The following LRRC9 variants were observed in gnomAD, a reference collection of about 807,000 sequenced individuals.
LRRC9 encodes the protein leucine-rich repeat-containing protein 9.
Under a neutral mutation model 63.2 loss-of-function variants are expected in LRRC9, and 122 were observed. The observed-to-expected ratio is 1.93, with a 90% CI of 1.67 to 2.24. The LOEUF (loss-of-function observed/expected upper bound fraction) is 2.24. LRRC9 is among the 30% of genes most tolerant of loss of function. The pLI is 0.00. For missense variants in LRRC9, 1,071 were observed against 627.7 expected (o/e 1.71, Z -7.55); for synonymous variants, 366 against 213.1 (o/e 1.72, Z -6.25).
rs1170094278 is a variant in LRRC9 at position 59,938,191 on chromosome 14, GT to G, written c.544-197del. ...TTTAAAAGGCATAGTGGTGTAGCAT[GT>G]TGTTTAATTATTGTTGATATTTTCT... On this transcript the variant is annotated intron_variant, in intron 6 of 31. Transcript: ENST00000445360. This position sits in a 1 kb window ranked among gnomAD's most constrained non-coding sequence, Gnocchi z 4.2. 6.6e-6 allele frequency among the ~76,000 whole-genome samples: 1 copy of G among 152,110 alleles called. No homozygotes were observed. Among genetic ancestry groups the G allele is most frequent in the Non-Finnish European group, 1.5e-5 (1 of 68,008 alleles).
chr14:60,022,728 T>C lies in LRRC9; in HGVS notation c.3567-6T>C, dbSNP rs754238434. ...TTATGGCCTCAAACTTACCTATGTG[T>C]TTCAGAGATATAATGAGCAGTGAAA... On this transcript the variant is annotated splice_polypyrimidine_tract_variant and splice_region_variant and intron_variant, in intron 26 of 31. Coordinates refer to ENST00000445360, the Ensembl canonical transcript of LRRC9. 1 of 620,686 alleles carries C rather than the reference T, an allele frequency of 1.6e-6. No individual in the cohort carries two copies. Among genetic ancestry groups the C allele is most frequent in the South Asian group, 2.0e-5 (1 of 51,040 alleles). 38.4% of individuals were successfully genotyped at this position (620,686 alleles called of 1,614,324 possible).
At chr14:60,001,945 G>A (rs201597857) in intron 19 of LRRC9, 21 bp from the exon 20 acceptor site, 1 of 626,538 alleles carries the variant, frequency 1.6e-6, no homozygotes, top group Non-Finnish European at 2.8e-6. Context: ...TTTTTTCACT[G>A]TATTTTTTAA....
rs149224852 is a variant in LRRC9, at chr14:59,962,494, C to G, written c.1211+1449C>G. Among the ~76,000 whole-genome samples the G allele has an allele frequency of 1.5e-4, 23 of 152,002 alleles. No individual in the cohort carries two copies. The highest frequency in any genetic ancestry group is 5.1e-4 in the African/African-American group (21 of 41,428). ...TCTCAGCTCGCTGCAACCTCTGCCT[C>G]CCAGGTTCAAGCGATTCTCCTGCCT... On this transcript the variant is annotated intron_variant, in intron 10 of 31. Coordinates refer to ENST00000445360, the Ensembl canonical transcript of LRRC9. The surrounding 1 kb of genome is among the most constrained non-coding windows in gnomAD (Gnocchi z 5.1).
Position 60,058,926 on chromosome 14 carries a change from T to C in LRRC9, c.4276+904T>C, listed in dbSNP as rs1342880038. On this transcript the variant is annotated intron_variant, in intron 31 of 31. Transcript: ENST00000445360. This position sits in a 1 kb window ranked among gnomAD's most constrained non-coding sequence, Gnocchi z 4.4. ...TTATATGGCATTATGACTTCCAGGT[T>C]TTAATAATAATGAAGATTGTCATGC... is the stretch of plus-strand genomic sequence containing the variant. 1 of 152,214 alleles carries C rather than the reference T, an allele frequency of 6.6e-6. No individual in the cohort carries two copies. Among genetic ancestry groups the C allele is most frequent in the Non-Finnish European group, 1.5e-5 (1 of 68,022 alleles). 9.4% of individuals were successfully genotyped at this position (152,214 alleles called of 1,614,324 possible). A position where few individuals can be genotyped will look rare whatever the true frequency, so the allele number is the denominator to read the frequency against.
Position 59,928,397 on chromosome 14 carries a change from A to AC in LRRC9, c.180dup (p.Ile61HisfsTer19). The AC allele has an allele frequency of 4.3e-6, 3 of 698,258 alleles. No individual in the cohort carries two copies. The South Asian group carries it at 4.5e-5, about 11-fold the overall frequency. 43.3% of individuals were successfully genotyped at this position (698,258 alleles called of 1,614,324 possible). ...ATTATTTCCTAATTTAACGAGTCTT[A>AC]CCATTGTTGCTCAAGATATAAAAGA... On this transcript the variant is annotated frameshift_variant, in exon 3 of 32. Coordinates refer to ENST00000445360, the Ensembl canonical transcript of LRRC9. LOFTEE classifies it high-confidence loss of function.
intron 7 of LRRC9, among the ~76,000 whole-genome samples, chr14:59,943,889 A>T (rs1882057004): frequency 6.6e-6 from 1 of 152,028 alleles, no homozygotes; most frequent in African/African-American, 2.4e-5. Context: ...TTTCAGGTAA[A>T]CAAAACCATG....
At chr14:60,037,277 G>C (rs972402217) in intron 29 of LRRC9, among the ~76,000 whole-genome samples, 1 of 152,076 alleles carries the variant, frequency 6.6e-6, no homozygotes. Context: ...TTGGGTATAT[G>C]TCCAGTAATG....
rs1174298911 is a variant in LRRC9 at position 60,028,132 on chromosome 14, T to A, written c.3921+31T>A. The A allele has an allele frequency of 7.4e-6, 5 of 671,660 alleles. No homozygotes were observed. In the East Asian group the frequency reaches 1.3e-4, roughly 18 times the overall value. 41.6% of individuals were successfully genotyped at this position (671,660 alleles called of 1,614,324 possible). On this transcript the variant is annotated intron_variant, in intron 28 of 31. Transcript: ENST00000445360. ...ATTATTATTTTTTTATTATGGGATTTACAAGCTTTAGTTTCTCTGAGTTCT... is the reference window on the plus strand; with the variant it reads ...ATTATTATTTTTTTATTATGGGATTAACAAGCTTTAGTTTCTCTGAGTTCT...
intron 8 of LRRC9, among the ~76,000 whole-genome samples, chr14:59,945,974 T>C (rs757545531): frequency 4.0e-5 from 6 of 151,836 alleles, no homozygotes; most frequent in African/African-American, 7.2e-5. Flanking sequence ...ATACCACTTA[T>C]GGAAGTGTAA....
intron 17 of LRRC9, among the ~76,000 whole-genome samples, chr14:59,994,245 A>C (rs1888490919): frequency 6.6e-6 from 1 of 152,208 alleles, no homozygotes; most frequent in Non-Finnish European, 1.5e-5. Context: ...ATGCAACCAA[A>C]AGACACAGGA....
chr14:60,039,162 T>A (rs1201477028), intron 29 of LRRC9, among the ~76,000 whole-genome samples: 1 of 152,228 alleles, frequency 6.6e-6, no homozygotes, highest in Non-Finnish European at 1.5e-5. Flanking sequence ...TGGATTCGGT[T>A]TGCCAGTATT....
chr14:60,019,097 A>T (rs993900276), intron 25 of LRRC9, 24 bp from the exon 26 acceptor site: 2 of 649,710 alleles, frequency 3.1e-6, no homozygotes, highest in Non-Finnish European at 5.5e-6. Flanking sequence ...AGGATTTCTG[A>T]TTAATAAGAT....
At chr14:60,029,272 C>G (rs995604494) in intron 28 of LRRC9, among the ~76,000 whole-genome samples, 1 of 152,056 alleles carries the variant, frequency 6.6e-6, no homozygotes, top group Non-Finnish European at 1.5e-5. Context: ...ACACACAGGG[C>G]CCAGGACATG....
chr14:59,939,443 G>A (rs895157205), intron 7 of LRRC9, among the ~76,000 whole-genome samples: 3 of 151,934 alleles, frequency 2.0e-5, no homozygotes, highest in African/African-American at 4.8e-5. Context: ...GATGACTTAT[G>A]TTTTAAAAGG....
rs1755799947 is a variant in LRRC9 at position 60,031,970 on chromosome 14, A to G, written c.3922-25A>G. Reference sequence around the variant, plus strand: ...AAGATGTTGAGTCTAACCAAATAATAACTTACTGATTAACTTTTGAATAGG... The same window carrying G: ...AAGATGTTGAGTCTAACCAAATAATGACTTACTGATTAACTTTTGAATAGG... On this transcript the variant is annotated intron_variant, in intron 28 of 31. Coordinates refer to ENST00000445360, the Ensembl canonical transcript of LRRC9. This position sits in a 1 kb window ranked among gnomAD's most constrained non-coding sequence, Gnocchi z 4.6. 1.4e-6 allele frequency: 1 copy of G among 693,732 alleles called. No individual in the cohort carries two copies. Among genetic ancestry groups the G allele is most frequent in the African/African-American group, 1.8e-5 (1 of 56,738 alleles). The allele number at this position is 693,732 out of a possible 1,614,324, so 43.0% of individuals were successfully genotyped here. A position where few individuals can be genotyped will look rare whatever the true frequency, so the allele number is the denominator to read the frequency against.
At chr14:59,973,859 T>C (rs1276222395) in intron 12 of LRRC9, among the ~76,000 whole-genome samples, 1 of 152,078 alleles carries the variant, frequency 6.6e-6, no homozygotes, top group Non-Finnish European at 1.5e-5. Context: ...AATTTGGCTA[T>C]TAATGTTAAA....
intron 23 of LRRC9, among the ~76,000 whole-genome samples, chr14:60,012,204 A>G (rs1034582538): frequency 1.9e-4 from 29 of 152,150 alleles, no homozygotes; most frequent in African/African-American, 6.3e-4. Context: ...CAAATCCTTT[A>G]TTTTATGTAT....
chr14:60,052,499 G>A (rs769825660), intron 29 of LRRC9, among the ~76,000 whole-genome samples: 18 of 152,148 alleles, frequency 1.2e-4, no homozygotes, highest in Non-Finnish European at 2.1e-4. Context: ...CATATTGTTC[G>A]TATTAGCAGT....
chr14:60,042,466 A>T lies in LRRC9; in HGVS notation c.3990+10403A>T, dbSNP rs2140383356. On this transcript the variant is annotated intron_variant, in intron 29 of 31. Transcript: ENST00000445360. This position sits in a 1 kb window ranked among gnomAD's most constrained non-coding sequence, Gnocchi z 4.2. ...CAGCAATGGCGGATGCCCCTCCCCT[A>T]GCCTCGCTGCTGCCTTGCAGTTCGA... Among the ~76,000 whole-genome samples, 1 of 152,264 alleles carries T rather than the reference A, an allele frequency of 6.6e-6. No homozygotes were observed. The highest frequency in any genetic ancestry group is 2.1e-4 in the South Asian group (1 of 4,826).
Sources: allele counts gnomAD v4.1 joint callset (sites outside exome capture counted in the v4.1 genomes callset), GRCh38; gene constraint gnomAD v4.1.1; non-coding constraint Gnocchi (gnomAD v3.1); transcripts MANE v1.5; gene names NCBI Gene and HGNC (gene_info 2026-07-23, HGNC 2026-07-21).